Variants in ELMOD1 observed in about 807,000 individuals in gnomAD.
ELMOD1 encodes ELMO domain containing 1.
Under a neutral mutation model 46.7 loss-of-function variants are expected in ELMOD1, and 21 were observed. The ratio of observed to expected loss-of-function variants is 0.45; its 90% confidence interval spans 0.32 to 0.65. The LOEUF is 0.65. ELMOD1 is among the 30% of genes least tolerant of loss of function. ELMOD1 has a pLI of 0.04. For missense variants in ELMOD1, 348 were observed against 407.8 expected, an observed-to-expected ratio of 0.85 and a Z score of 1.26; for synonymous variants, 122 against 138.2, an observed-to-expected ratio of 0.88 and a Z score of 0.82.
chr11:107,641,939 C>CT (rs34475862), intron 6 of ELMOD1, among the ~76,000 whole-genome samples: 4,799 of 100,402 alleles, frequency 0.048, 196 homozygotes, highest in Non-Finnish European at 0.052. Context: ...TGAGCTTACT[C>CT]TTTTTTTTTT....
chr11:107,631,356 G>T (rs1302392928), intron 4 of ELMOD1, among the ~76,000 whole-genome samples: 2 of 148,676 alleles, frequency 1.3e-5, no homozygotes, highest in Non-Finnish European at 3.0e-5. Context: ...CAAAAAAATT[G>T]TATGTGTTTT....
intron 1 of ELMOD1, 87 bp from the exon 2 acceptor site, chr11:107,618,018 A>G: frequency 1.5e-6 from 1 of 668,284 alleles, no homozygotes. Context: ...TGGCATGTTA[A>G]CTGCTTGCCT....
chr11:107,599,608 G>A (rs144874834), intron 1 of ELMOD1, among the ~76,000 whole-genome samples: 2,387 of 151,874 alleles, frequency 0.016, 64 homozygotes, highest in African/African-American at 0.054. Flanking sequence ...CTGGTATGGT[G>A]GCATGTGCCT....
intron 6 of ELMOD1, among the ~76,000 whole-genome samples, chr11:107,646,500 C>T (rs1591131046): frequency 6.6e-6 from 1 of 152,068 alleles, no homozygotes; most frequent in South Asian, 2.1e-4. Flanking sequence ...TTTGGGAGGC[C>T]GAGGCAGGCA....
chr11:107,616,486 C>G (rs1865865688), intron 1 of ELMOD1, among the ~76,000 whole-genome samples: 1 of 152,162 alleles, frequency 6.6e-6, no homozygotes, highest in Non-Finnish European at 1.5e-5. Context: ...TCAAGTGATT[C>G]TCCTGCCTCA....
intron 1 of ELMOD1, among the ~76,000 whole-genome samples, chr11:107,608,267 A>G (rs1403715756): frequency 6.6e-6 from 1 of 152,216 alleles, no homozygotes; most frequent in African/African-American, 2.4e-5. Flanking sequence ...TCTGCTTTCC[A>G]GTAAATTCAA....
At chr11:107,662,185 T>C (rs1250682443) in intron 11 of ELMOD1, among the ~76,000 whole-genome samples, 1 of 152,190 alleles carries the variant, frequency 6.6e-6, no homozygotes, top group Non-Finnish European at 1.5e-5. Context: ...TCTCTCTTGC[T>C]CAGGCTGGAG....
intron 1 of ELMOD1, chr11:107,592,265 T>C: frequency 2.1e-6 from 1 of 482,186 alleles, no homozygotes; most frequent in Non-Finnish European, 4.3e-6. Context: ...TCAGCCTTTC[T>C]GCTCTGCACA....
intron 11 of ELMOD1, among the ~76,000 whole-genome samples, chr11:107,659,699 A>ATGGC (rs1866699374): frequency 9.3e-5 from 14 of 150,672 alleles, no homozygotes; most frequent in African/African-American, 3.2e-4. Context: ...GGATGGATGG[A>ATGGC]TGGATGGATG....
At position 107,633,810 on chromosome 11, in the gene ELMOD1, T is replaced by C. The variant is rs535236438; in HGVS notation, c.291-1826T>C. On this transcript the variant is annotated intron_variant, in intron 5 of 11. Coordinates refer to ENST00000265840, the MANE Select transcript of ELMOD1 (RefSeq NM_018712.4). ...CCTCTTTCCCTCAAAATTAACGCTA[T>C]TCTCCATACTACATGGACTTTCTAG... 1.0e-3 allele frequency among the ~76,000 whole-genome samples: 158 copies of C among 152,284 alleles called. 2 individuals are homozygous for C. The highest frequency in any genetic ancestry group is 3.5e-3 in the African/African-American group (147 of 41,566).
chr11:107,608,068 TTC>T, intron 1 of ELMOD1, among the ~76,000 whole-genome samples: 1 of 152,022 alleles, frequency 6.6e-6, no homozygotes, highest in Non-Finnish European at 1.5e-5. Flanking sequence ...TGCCTAAACT[TTC>T]TGTTTTTTAT....
At chr11:107,664,114 T>A (rs1408367366) in intron 11 of ELMOD1, among the ~76,000 whole-genome samples, 1 of 152,046 alleles carries the variant, frequency 6.6e-6, no homozygotes, top group East Asian at 1.9e-4. Context: ...CCCAAACAAC[T>A]GGGACTACAG....
intron 1 of ELMOD1, chr11:107,592,222 A>C (rs1201261732): frequency 2.5e-6 from 1 of 399,426 alleles, no homozygotes; most frequent in Non-Finnish European, 5.1e-6. Context: ...TCACGGGCTC[A>C]CTTGCTTCAG....
chr11:107,613,263 AACT>A (rs1865809458), intron 1 of ELMOD1, among the ~76,000 whole-genome samples: 1 of 152,236 alleles, frequency 6.6e-6, no homozygotes, highest in Admixed American at 6.5e-5. Flanking sequence ...AAATACCTGT[AACT>A]ATGCTGAGTG....
intron 1 of ELMOD1, among the ~76,000 whole-genome samples, chr11:107,596,322 T>G (rs1345948909): frequency 1.3e-5 from 2 of 152,130 alleles, no homozygotes; most frequent in Admixed American, 6.5e-5. Flanking sequence ...CATCAGAAAC[T>G]CTGTTCCCTA....
intron 2 of ELMOD1, among the ~76,000 whole-genome samples, chr11:107,621,088 T>G (rs904400414): frequency 1.3e-5 from 2 of 152,214 alleles, no homozygotes; most frequent in Non-Finnish European, 2.9e-5. Flanking sequence ...TCGTTGGGAT[T>G]TAGTTATTGA....
intron 6 of ELMOD1, among the ~76,000 whole-genome samples, chr11:107,640,241 A>C (rs1162436372): frequency 6.6e-6 from 1 of 152,212 alleles, no homozygotes; most frequent in Non-Finnish European, 1.5e-5. Flanking sequence ...ATGGGCTTTC[A>C]TCTTCCAAAA....
chr11:107,612,911 T>C (rs569120103), intron 1 of ELMOD1, among the ~76,000 whole-genome samples: 3 of 152,330 alleles, frequency 2.0e-5, no homozygotes, highest in Non-Finnish European at 4.4e-5. Context: ...TTTTGGTGTT[T>C]CCTGTTTGGG....
At chr11:107,652,748 G>A (rs960582632) in intron 9 of ELMOD1, among the ~76,000 whole-genome samples, 3 of 152,206 alleles carry the variant, frequency 2.0e-5, no homozygotes, top group Non-Finnish European at 1.5e-5. Context: ...TAGGTGGCAC[G>A]TTTTAATATG....
Sources: gnomAD v4.1 joint callset for allele counts (sites outside exome capture counted in the v4.1 genomes callset) on GRCh38, gnomAD v4.1.1 for gene constraint, MANE v1.5 for transcripts, NCBI Gene and HGNC (gene_info 2026-07-23, HGNC 2026-07-21) for gene names.